The following ZFP91 variants were observed in gnomAD, a reference collection of about 807,000 sequenced individuals.
The protein encoded by ZFP91 is E3 ubiquitin-protein ligase ZFP91.
Under a neutral mutation model 63.5 loss-of-function variants are expected in ZFP91, and 7 were observed. The ratio of observed to expected loss-of-function variants is 0.11; its 90% confidence interval spans 0.06 to 0.21. The LOEUF is 0.21. Ranked by LOEUF, ZFP91 falls within the 10% of genes least tolerant of loss-of-function variation. The pLI is 1.00. For synonymous variants in ZFP91, 330 were observed against 272.1 expected, an observed-to-expected ratio of 1.21 and a Z score of -2.10; for missense variants, 628 against 736.6, an observed-to-expected ratio of 0.85 and a Z score of 1.71.
At chr11:58,587,488 A>C (rs1370966333) in intron 2 of ZFP91, among the ~76,000 whole-genome samples, 1 of 152,230 alleles carries the variant, frequency 6.6e-6, no homozygotes, top group African/African-American at 2.4e-5. Context: ...ATTCCACACA[A>C]AAGTTAAAAA....
chr11:58,586,659 T>A (rs10160825), intron 2 of ZFP91, among the ~76,000 whole-genome samples: 1,662 of 152,290 alleles, frequency 0.011, 38 homozygotes, highest in African/African-American at 0.038. Context: ...GTAACATTCA[T>A]ACAAGATGAA....
chr11:58,591,931 G>A (rs143129289), intron 2 of ZFP91, among the ~76,000 whole-genome samples: 1 of 152,240 alleles, frequency 6.6e-6, no homozygotes, highest in Non-Finnish European at 1.5e-5. Context: ...GCAATTAGCA[G>A]TGGCTGTAGC....
At chr11:58,583,631 T>C (rs371851800) in intron 1 of ZFP91, among the ~76,000 whole-genome samples, 1 of 152,118 alleles carries the variant, frequency 6.6e-6, no homozygotes, top group African/African-American at 2.4e-5. Flanking sequence ...TGGAAAAGTT[T>C]GTTATATAAT....
At chr11:58,580,839 C>T (rs1855100797) in intron 1 of ZFP91, among the ~76,000 whole-genome samples, 1 of 152,186 alleles carries the variant, frequency 6.6e-6, no homozygotes, top group Non-Finnish European at 1.5e-5. Context: ...GTTCTGTCGA[C>T]AGCAAAAATC....
In ZFP91 at chr11:58,620,487, A is replaced by G. The variant is rs1444724213; in HGVS notation, c.*2781A>G. ...TACAGCTATTTAATATTTCTGGGAG[A>G]TGTGCATCCCTCTTCTTTGTGGTTG... is the stretch of plus-strand genomic sequence containing the variant. On this transcript the variant is annotated 3_prime_UTR_variant, in exon 11 of 11. Transcript: ENST00000316059. 6.6e-6 allele frequency: 1 copy of G among 152,518 alleles called. No homozygotes were observed. Among genetic ancestry groups the G allele is most frequent in the Non-Finnish European group, 1.5e-5 (1 of 68,020 alleles). The allele number at this position is 152,518 out of a possible 1,614,324, so 9.4% of individuals were successfully genotyped here.
intron 2 of ZFP91, among the ~76,000 whole-genome samples, chr11:58,595,413 TA>T (rs1317180768): frequency 1.3e-5 from 2 of 152,268 alleles, no homozygotes; most frequent in South Asian, 2.1e-4. Flanking sequence ...CCTTCTAACT[TA>T]AAGTATTTTA....
intron 2 of ZFP91, among the ~76,000 whole-genome samples, chr11:58,601,635 A>G (rs1344912503): frequency 6.7e-6 from 1 of 149,336 alleles, no homozygotes; most frequent in Non-Finnish European, 1.5e-5. Context: ...ATTTTAATGT[A>G]GGCATTTATA....
intron 2 of ZFP91, among the ~76,000 whole-genome samples, chr11:58,588,007 G>A (rs765496298): frequency 6.6e-6 from 1 of 152,040 alleles, no homozygotes; most frequent in African/African-American, 2.4e-5. Flanking sequence ...CAGAAACTTT[G>A]ATTTTTGAGT....
intron 1 of ZFP91, among the ~76,000 whole-genome samples, chr11:58,582,972 G>A (rs1855144776): frequency 1.3e-5 from 2 of 152,220 alleles, no homozygotes; most frequent in South Asian, 2.1e-4. Context: ...GAAAGTTTAT[G>A]TATCCATACT....
intron 9 of ZFP91, 87 bp from the exon 10 acceptor site, chr11:58,616,627 TGC>T: frequency 1.0e-6 from 1 of 985,918 alleles, no homozygotes; most frequent in African/African-American, 1.6e-5. Flanking sequence ...TACTCTAAAT[TGC>T]CTGCCCCATC....
chr11:58,612,508 A>ATT, intron 7 of ZFP91, 180 bp downstream of exon 7: 1 of 655,482 alleles, frequency 1.5e-6, no homozygotes, highest in Middle Eastern at 3.4e-4. Flanking sequence ...AGAGCTTGAA[A>ATT]TTTCTAACAA....
At chr11:58,589,370 G>T (rs1855266519) in intron 2 of ZFP91, among the ~76,000 whole-genome samples, 1 of 152,120 alleles carries the variant, frequency 6.6e-6, no homozygotes, top group South Asian at 2.1e-4. Context: ...CAGCCTGTTA[G>T]TTTTAACTGA....
chr11:58,601,224 C>G (rs1306313896), intron 2 of ZFP91, among the ~76,000 whole-genome samples: 2 of 152,178 alleles, frequency 1.3e-5, no homozygotes, highest in Non-Finnish European at 1.5e-5. Flanking sequence ...ATGAAACCAT[C>G]TAGAGGCTTC....
chr11:58,593,475 A>T (rs1855343857), intron 2 of ZFP91, among the ~76,000 whole-genome samples: 1 of 152,360 alleles, frequency 6.6e-6, no homozygotes, highest in South Asian at 2.1e-4. Context: ...ACAAGATTGT[A>T]CTGTGGTTGT....
chr11:58,611,816 AG>A, intron 6 of ZFP91, 78 bp downstream of exon 6: 1 of 1,513,022 alleles, frequency 6.6e-7, no homozygotes. Context: ...AGTGTGAGGA[AG>A]GATGTTGACG....
intron 6 of ZFP91, 39 bp downstream of exon 6, chr11:58,611,777 TTTGAACGACTAGTGGAAA>T: frequency 1.9e-6 from 3 of 1,569,986 alleles, no homozygotes; most frequent in Non-Finnish European, 2.6e-6. Context: ...TCTAACAGAT[TTTGAACGACTAGTGGAAA>T]AAAGAGTGGG....
At chr11:58,600,003 A>G (rs1855466972) in intron 2 of ZFP91, among the ~76,000 whole-genome samples, 1 of 152,152 alleles carries the variant, frequency 6.6e-6, no homozygotes. Context: ...ACAGATGTAT[A>G]GATTTATATC....
At position 58,621,493 on chromosome 11, in the gene ZFP91, G is replaced by C. The variant is rs367652540; in HGVS notation, c.*3787G>C. Among the ~76,000 whole-genome samples the C allele has an allele frequency of 6.6e-6, 1 of 152,074 alleles. No individual in the cohort carries two copies. The highest frequency in any genetic ancestry group is 2.1e-4 in the South Asian group (1 of 4,820). On this transcript the variant is annotated 3_prime_UTR_variant, in exon 11 of 11. Transcript: ENST00000316059. ...AAGCCATGCTGTGATAGCTGCCCAGGCTGCTCTGTTACATCTCCCATTTAT... is the reference window on the plus strand; with the variant it reads ...AAGCCATGCTGTGATAGCTGCCCAGCCTGCTCTGTTACATCTCCCATTTAT...
rs958799695 is a variant in ZFP91 at position 58,599,487 on chromosome 11, C to T, written c.371-10343C>T. Among the ~76,000 whole-genome samples, 5 of 152,074 alleles carry T rather than the reference C, an allele frequency of 3.3e-5. No individual in the cohort carries two copies. In the East Asian group the frequency reaches 5.8e-4, roughly 18 times the overall value. On this transcript the variant is annotated intron_variant, in intron 2 of 10. Transcript: ENST00000316059. ...ACAATGGTTCCAATTTCTCTGCATT[C>T]TCACCAACACTTCTTATTTTCTTTT...
Sources: gnomAD v4.1 joint callset for allele counts (sites outside exome capture counted in the v4.1 genomes callset) on GRCh38, gnomAD v4.1.1 for gene constraint, MANE v1.5 for transcripts, NCBI Gene and HGNC (gene_info 2026-07-23, HGNC 2026-07-21) for gene names.